The following FAT3 variants were observed in gnomAD, a reference collection of about 807,000 sequenced individuals.
FAT3 encodes the protein protocadherin Fat 3.
FAT3 carries 95 observed loss-of-function variants against 310.2 expected under a neutral mutation model. That is an observed-to-expected ratio of 0.31 (90% CI 0.26 to 0.36). The LOEUF (loss-of-function observed/expected upper bound fraction) is 0.36, where lower values mean the gene tolerates loss of function less well. FAT3 is among the 10% of genes least tolerant of loss of function. FAT3 has a pLI of 1.00. For missense variants in FAT3, 5,408 were observed against 5,715.6 expected, an observed-to-expected ratio of 0.95 and a Z score of 1.74; for synonymous variants, 2,314 against 2,192.9, an observed-to-expected ratio of 1.06 and a Z score of -1.54.
intron 3 of FAT3, among the ~76,000 whole-genome samples, chr11:92,652,543 C>CAGT (rs1344186586): frequency 6.6e-6 from 1 of 152,168 alleles, no homozygotes; most frequent in South Asian, 2.1e-4. Flanking sequence ...ACACAGAAAT[C>CAGT]AGTAGCTTGC....
At chr11:92,757,059 G>T (rs1334442627) in intron 4 of FAT3, among the ~76,000 whole-genome samples, 2 of 151,686 alleles carry the variant, frequency 1.3e-5, no homozygotes, top group African/African-American at 4.8e-5. Context: ...TGAGTAGCTG[G>T]AATTACAAGC....
chr11:92,287,234 G>A (rs1210083403), intron 1 of FAT3, among the ~76,000 whole-genome samples: 1 of 152,088 alleles, frequency 6.6e-6, no homozygotes, highest in Non-Finnish European at 1.5e-5. Flanking sequence ...TAAAACAAAT[G>A]AAGGCCTCCA....
At chr11:92,610,898 T>C (rs1411061226) in intron 3 of FAT3, among the ~76,000 whole-genome samples, 1 of 152,114 alleles carries the variant, frequency 6.6e-6, no homozygotes, top group East Asian at 1.9e-4. Flanking sequence ...GCCTCCTCCC[T>C]GTGAGATGCT....
chr11:92,248,186 A>G (rs1406811213), intron 1 of FAT3, among the ~76,000 whole-genome samples: 1 of 152,126 alleles, frequency 6.6e-6, no homozygotes, highest in East Asian at 1.9e-4. Flanking sequence ...CCCACAGAAA[A>G]GAGAGCTATG....
intron 2 of FAT3, among the ~76,000 whole-genome samples, chr11:92,433,698 G>C (rs996333587): frequency 1.3e-5 from 2 of 152,004 alleles, no homozygotes; most frequent in African/African-American, 4.8e-5. Flanking sequence ...CCCAGGAATC[G>C]AAAAGCCACT....
intron 2 of FAT3, among the ~76,000 whole-genome samples, chr11:92,442,081 T>TATATATATATATA (rs1555047741): frequency 1.4e-5 from 1 of 69,988 alleles, no homozygotes; most frequent in African/African-American, 8.2e-5. Context: ...AATATATATT[T>TATATATATATATA]TATATATATA....
At chr11:92,660,006 G>T (rs773404756) in intron 3 of FAT3, among the ~76,000 whole-genome samples, 33 of 152,098 alleles carry the variant, frequency 2.2e-4, no homozygotes, top group Non-Finnish European at 4.0e-4. Flanking sequence ...TGAGAATATG[G>T]CTGTACATTC....
intron 1 of FAT3, among the ~76,000 whole-genome samples, chr11:92,279,311 G>A (rs1946360627): frequency 2.0e-5 from 3 of 152,102 alleles, no homozygotes; most frequent in Admixed American, 6.6e-5. Flanking sequence ...TGCCTCTTAT[G>A]TGGGAAGTTA....
intron 3 of FAT3, among the ~76,000 whole-genome samples, chr11:92,600,033 T>C (rs2135584997): frequency 6.6e-6 from 1 of 152,346 alleles, no homozygotes; most frequent in South Asian, 2.1e-4. Context: ...CACCATTAAA[T>C]GCTCTCTATA....
At chr11:92,312,474 C>A (rs747021257) in intron 1 of FAT3, among the ~76,000 whole-genome samples, 9 of 152,044 alleles carry the variant, frequency 5.9e-5, no homozygotes, top group Non-Finnish European at 1.2e-4. Flanking sequence ...GATGAATCAC[C>A]CTTAAAAGGC....
rs1160601392 is a variant in FAT3, at chr11:92,837,761, C to T, written c.10323C>T (p.Asp3441=). 2 of 1,613,868 alleles carry T rather than the reference C, an allele frequency of 1.2e-6. No individual in the cohort carries two copies. The highest frequency in any genetic ancestry group is 2.7e-5 in the African/African-American group (2 of 74,918). Residue 3441 remains aspartate (D), a synonymous_variant, in exon 17 of 28, where the codon GAC becomes GAT. Coordinates refer to ENST00000525166, the MANE Select transcript of FAT3 (RefSeq NM_001367949.2). ...ACATTGATATTTCTGATGTGAATGA[C>T]AACAGCCCGGTGTTTACACCTGCCA... ...TVNIDISDVN[D]NSPVFTPANY... is the part of the protein sequence containing the mutation.
chr11:92,678,465 T>C (rs1442628690), intron 3 of FAT3, among the ~76,000 whole-genome samples: 1 of 152,142 alleles, frequency 6.6e-6, no homozygotes, highest in African/African-American at 2.4e-5. Context: ...CATCAATCCA[T>C]GCATGGAGGT....
chr11:92,344,913 G>A (rs577637043), intron 1 of FAT3, among the ~76,000 whole-genome samples: 4 of 152,234 alleles, frequency 2.6e-5, no homozygotes, highest in African/African-American at 9.6e-5. Flanking sequence ...AGATTAAAAA[G>A]CAGAGTAAAT....
At chr11:92,716,394 G>A (rs1176941754) in intron 4 of FAT3, among the ~76,000 whole-genome samples, 4 of 151,790 alleles carry the variant, frequency 2.6e-5, no homozygotes, top group African/African-American at 7.3e-5. Flanking sequence ...TTTCTCATTC[G>A]CCATCAGTAT....
intron 2 of FAT3, among the ~76,000 whole-genome samples, chr11:92,407,159 T>G (rs2134895982): frequency 6.6e-6 from 1 of 152,300 alleles, no homozygotes; most frequent in South Asian, 2.1e-4. Context: ...TTTAAGGAGG[T>G]ACTACAAGAG....
chr11:92,484,631 T>C (rs1349742182), intron 2 of FAT3, among the ~76,000 whole-genome samples: 1 of 152,222 alleles, frequency 6.6e-6, no homozygotes, highest in Non-Finnish European at 1.5e-5. Context: ...TTTTATCTTA[T>C]GTAAATTACT....
intron 2 of FAT3, among the ~76,000 whole-genome samples, chr11:92,439,947 A>G (rs557085158): frequency 1.3e-5 from 2 of 152,052 alleles, no homozygotes; most frequent in Non-Finnish European, 2.9e-5. Flanking sequence ...AAAGAAAAAA[A>G]AAAAACCTGC....
At chr11:92,291,124 C>CACAT (rs1565205026) in intron 1 of FAT3, among the ~76,000 whole-genome samples, 4 of 150,980 alleles carry the variant, frequency 2.6e-5, no homozygotes, top group South Asian at 2.1e-4. Flanking sequence ...CACATGCACG[C>CACAT]GCGCAGAAGT....
chr11:92,356,242 A>G (rs1948727631), intron 2 of FAT3, among the ~76,000 whole-genome samples: 1 of 152,062 alleles, frequency 6.6e-6, no homozygotes, highest in Non-Finnish European at 1.5e-5. Flanking sequence ...TTCCTTTGTT[A>G]GCACTGTGCA....
Sources: allele counts gnomAD v4.1 joint callset (sites outside exome capture counted in the v4.1 genomes callset), GRCh38; gene constraint gnomAD v4.1.1; transcripts MANE v1.5; gene names NCBI Gene and HGNC (gene_info 2026-07-23, HGNC 2026-07-21).